KIAA0753: variants seen among roughly 807,000 people sequenced by gnomAD.
KIAA0753 encodes the protein KIAA0753.
In KIAA0753, 114 loss-of-function variants were observed where a neutral mutation model predicts 116.9. The ratio of observed to expected loss-of-function variants is 0.98; its 90% confidence interval spans 0.84 to 1.14. The LOEUF (loss-of-function observed/expected upper bound fraction) is 1.14, where lower values mean the gene tolerates loss of function less well. Among genes scored for constraint, KIAA0753 ranks in the 50% most tolerant of loss-of-function variants. The pLI is 0.00. For synonymous variants in KIAA0753, 405 were observed against 413.1 expected, an observed-to-expected ratio of 0.98 and a Z score of 0.24; for missense variants, 1,156 against 1,172.4, an observed-to-expected ratio of 0.99 and a Z score of 0.20.
chr17:6,603,515 C>T (rs356035), intron 12 of KIAA0753, among the ~76,000 whole-genome samples: 152,344 of 152,352 alleles, frequency 1, 76,168 homozygotes, highest in Non-Finnish European at 1. Context: ...TCTGAAGAGG[C>T]TGAAAAATGT....
chr17:6,610,409 A>C (rs1487426268), intron 8 of KIAA0753, among the ~76,000 whole-genome samples: 2 of 151,834 alleles, frequency 1.3e-5, no homozygotes, highest in Non-Finnish European at 2.9e-5. Flanking sequence ...TAAACATATA[A>C]ACAATATATA....
intron 6 of KIAA0753, among the ~76,000 whole-genome samples, chr17:6,621,623 T>G (rs1351950786): frequency 6.6e-6 from 1 of 152,196 alleles, no homozygotes; most frequent in African/African-American, 2.4e-5. Context: ...TGTGAAATGA[T>G]GTAGGGCCAC....
At chr17:6,597,193 T>C (rs2150778255) in intron 14 of KIAA0753, among the ~76,000 whole-genome samples, 1 of 152,306 alleles carries the variant, frequency 6.6e-6, no homozygotes, top group East Asian at 1.9e-4. Context: ...AGACACTCAA[T>C]GAATGGTTAC....
intron 9 of KIAA0753, among the ~76,000 whole-genome samples, chr17:6,609,740 C>T (rs550656577): frequency 6.6e-6 from 1 of 152,326 alleles, no homozygotes; most frequent in South Asian, 2.1e-4. Context: ...CCCCCATCTT[C>T]CATTCAATCA....
At chr17:6,600,119 C>T (rs1222839472) in intron 13 of KIAA0753, among the ~76,000 whole-genome samples, 1 of 152,170 alleles carries the variant, frequency 6.6e-6, no homozygotes, top group African/African-American at 2.4e-5. Context: ...CTATTTCACT[C>T]GGAACAGGGA....
intron 18 of KIAA0753, among the ~76,000 whole-genome samples, chr17:6,585,022 G>T (rs1968463768): frequency 6.6e-6 from 1 of 152,068 alleles, no homozygotes; most frequent in Admixed American, 6.5e-5. Context: ...TCAAACTCCT[G>T]GGCTCAAGCA....
At chr17:6,623,777 C>A in intron 4 of KIAA0753, 1 of 524,104 alleles carries the variant, frequency 1.9e-6, no homozygotes, top group Non-Finnish European at 3.1e-6. Flanking sequence ...CAGTGTTCAC[C>A]TTCCATCCCT....
intron 3 of KIAA0753, 93 bp from the exon 4 acceptor site, chr17:6,624,954 G>T: frequency 1.2e-6 from 1 of 835,238 alleles, no homozygotes. Flanking sequence ...TAATAAAGTT[G>T]AAGATCTCTG....
chr17:6,610,058 C>T lies in KIAA0753; in HGVS notation c.1648G>A (p.Val550Met), dbSNP rs1487240403. ...ATCCATGGTGCCTTGCGGTCTTTCA[C>T]AGGCTGCCGGTTCATTTTTAATCTG... ...SSRLKMNRQP[V>M]KDRKAPWIPP... The change falls in exon 9 of 19, where the codon GTG (valine) becomes ATG (methionine). Residue 550 changes from valine to methionine, a missense_variant. Physicochemically the swap from Val to Met is conservative, Grantham distance 21. Transcript: ENST00000361413. 6 of 1,614,160 alleles carry T rather than the reference C, an allele frequency of 3.7e-6. No individual in the cohort carries two copies. The highest frequency in any genetic ancestry group is 5.1e-6 in the Non-Finnish European group (6 of 1,180,020).
rs563840392 is a variant in KIAA0753 at position 6,595,504 on chromosome 17, T to C, written c.2359-451A>G. On this transcript the variant is annotated intron_variant, in intron 15 of 18. Coordinates refer to ENST00000361413, the MANE Select transcript of KIAA0753 (RefSeq NM_014804.3). ...AACTTTCAAATCCAAAAAAAAAAAT[T>C]GTTTTCCTTCTAATGTTTCTATCTA... Among the ~76,000 whole-genome samples, 12 of 152,202 alleles carry C rather than the reference T, an allele frequency of 7.9e-5. No homozygotes were observed. The South Asian group carries it at 2.5e-3, about 32-fold the overall frequency.
intron 12 of KIAA0753, among the ~76,000 whole-genome samples, chr17:6,601,909 T>C (rs557053926): frequency 6.6e-6 from 1 of 152,162 alleles, no homozygotes; most frequent in African/African-American, 2.4e-5. Context: ...TGCACACATA[T>C]CTGGCAAGGG....
chr17:6,589,878 T>C lies in KIAA0753; in HGVS notation c.2687A>G (p.Gln896Arg), dbSNP rs1443417. ...ACTACAGTAGTCACCGATGCTGTGCTGCATACCCGGTGGGACAAAGAGGGG... is the reference window on the plus strand; with the variant it reads ...ACTACAGTAGTCACCGATGCTGTGCCGCATACCCGGTGGGACAAAGAGGGG... ...RAPLFVPPGM[Q>R]HSIGDYCSRF... The change falls in exon 18 of 19, where the codon CAG (glutamine) becomes CGG (arginine). Residue 896 changes from glutamine (Q) to arginine (R), a missense_variant. Transcript: ENST00000361413. The C allele has an allele frequency of 0.59, 953,055 of 1,612,958 alleles. 285,159 individuals carry two copies. The highest frequency in any genetic ancestry group is 0.78 in the African/African-American group (58,491 of 74,922).
chr17:6,622,773 C>A, intron 6 of KIAA0753, 109 bp downstream of exon 6: 1 of 912,506 alleles, frequency 1.1e-6, no homozygotes, highest in East Asian at 2.4e-5. Flanking sequence ...AGCTTTAATT[C>A]ACTAGGTAAT....
intron 12 of KIAA0753, among the ~76,000 whole-genome samples, chr17:6,604,188 G>A (rs1029580822): frequency 6.6e-6 from 1 of 151,838 alleles, no homozygotes; most frequent in Non-Finnish European, 1.5e-5. Context: ...TACTTCTACA[G>A]AACTGTTTAT....
rs777236349 is a variant in KIAA0753, at chr17:6,589,852, G to A, written c.2713C>T (p.Arg905Cys). ...ATGATCCGAAGGTACTGCTCAAAAC[G>A]ACTACAGTAGTCACCGATGCTGTGC... is the stretch of plus-strand genomic sequence containing the variant. ...MQHSIGDYCS[R>C]FEQYLRIISH... The change falls in exon 18 of 19, where the codon CGT becomes TGT. Residue 905 changes from arginine (R) to cysteine (C), a missense_variant. Transcript: ENST00000361413. 2.2e-5 allele frequency: 35 copies of A among 1,613,916 alleles called. No homozygotes were observed. Among genetic ancestry groups the A allele is most frequent in the Middle Eastern group, 1.6e-4 (1 of 6,084 alleles).
rs1465087528 is a variant in KIAA0753 at position 6,628,505 on chromosome 17, T to C, written c.330A>G (p.Arg110=). The change falls in exon 3 of 19, where the codon CGA becomes CGG. Residue 110 remains arginine (R), a synonymous_variant. Coordinates refer to ENST00000361413, the MANE Select transcript of KIAA0753 (RefSeq NM_014804.3). ...AVHLARRDVK[R]RQFEKHIKEH... Reference sequence around the variant, plus strand: ...CTTTTATATGTTTTTCAAATTGTCTTCGTTTCACATCTCTTCTGGCTAGGT... The same window carrying C: ...CTTTTATATGTTTTTCAAATTGTCTCCGTTTCACATCTCTTCTGGCTAGGT... 6.2e-7 allele frequency: 1 copy of C among 1,614,258 alleles called. No individual in the cohort carries two copies. The highest frequency in any genetic ancestry group is 1.3e-5 in the African/African-American group (1 of 75,064).
At chr17:6,590,452 C>A (rs1968910145) in intron 17 of KIAA0753, 58 bp downstream of exon 17, 2 of 1,595,542 alleles carry the variant, frequency 1.3e-6, no homozygotes, top group Admixed American at 1.7e-5. Flanking sequence ...AATTCAAAAT[C>A]TAATAACATC....
Position 6,579,878 on chromosome 17 carries a change from A to C in KIAA0753, c.2787-14T>G, listed in dbSNP as rs779889570. 1 of 1,598,758 alleles carries C rather than the reference A, an allele frequency of 6.3e-7. No individual in the cohort carries two copies. Among genetic ancestry groups the C allele is most frequent in the South Asian group, 1.1e-5 (1 of 90,800 alleles). ...TCTTCTGAAAAGCTGGAAGACAAAC[A>C]ACACAACTAAAGGTATGTACAAGGC... On this transcript the variant is annotated splice_polypyrimidine_tract_variant and intron_variant, in intron 18 of 18. Coordinates refer to ENST00000361413, the MANE Select transcript of KIAA0753 (RefSeq NM_014804.3).
At chr17:6,630,845 T>C (rs1025403316) in intron 2 of KIAA0753, among the ~76,000 whole-genome samples, 1 of 152,212 alleles carries the variant, frequency 6.6e-6, no homozygotes, top group Non-Finnish European at 1.5e-5. Flanking sequence ...AGTATATTTA[T>C]AATACACTAC....
Sources: allele counts gnomAD v4.1 joint callset (sites outside exome capture counted in the v4.1 genomes callset), GRCh38; gene constraint gnomAD v4.1.1; transcripts MANE v1.5; gene names NCBI Gene and HGNC (gene_info 2026-07-23, HGNC 2026-07-21).